TCF7L2: variants seen among roughly 807,000 people sequenced by gnomAD.
TCF7L2 encodes transcription factor 7 like 2.
A neutral mutation model predicts 77.9 loss-of-function variants in TCF7L2; 23 were observed. The ratio of observed to expected loss-of-function variants is 0.30; its 90% CI spans 0.21 to 0.42. The LOEUF (loss-of-function observed/expected upper bound fraction) is 0.42. TCF7L2 is among the 10% of genes least tolerant of loss of function. The probability of loss-of-function intolerance (pLI) is 1.00; values close to 1 mark genes in which losing one functional copy is unlikely to be tolerated. For missense variants in TCF7L2, 654 were observed against 793.1 expected (o/e 0.82, Z 2.11); for synonymous variants, 413 against 340.2 (o/e 1.21, Z -2.36).
chr10:113,032,334 A>G (rs1051838013), intron 4 of TCF7L2, among the ~76,000 whole-genome samples: 1 of 152,242 alleles, frequency 6.6e-6, no homozygotes, highest in Non-Finnish European at 1.5e-5. Flanking sequence ...TTGGCGGGTT[A>G]AAGAAAACAG....
chr10:112,966,341 T>C (rs1002976373), intron 4 of TCF7L2, among the ~76,000 whole-genome samples: 24 of 151,740 alleles, frequency 1.6e-4, no homozygotes, highest in Non-Finnish European at 3.2e-4. Context: ...GTCTTTAACT[T>C]GAGGCTGCAA....
At chr10:112,951,171 G>T in intron 1 of TCF7L2, 36 bp from the exon 2 acceptor site, 1 of 1,528,158 alleles carries the variant, frequency 6.5e-7, no homozygotes. Context: ...CGTGGCGTTT[G>T]CCCCTCGCCC....
intron 3 of TCF7L2, among the ~76,000 whole-genome samples, chr10:112,955,957 G>A (rs2033455325): frequency 6.6e-6 from 1 of 151,842 alleles, no homozygotes; most frequent in African/African-American, 2.4e-5. Context: ...CCCACGAGGT[G>A]CCCCTGGCTG....
At chr10:113,054,690 C>T (rs991392313) in intron 5 of TCF7L2, among the ~76,000 whole-genome samples, 2 of 152,174 alleles carry the variant, frequency 1.3e-5, no homozygotes, top group African/African-American at 4.8e-5. Flanking sequence ...GATCTTCCCT[C>T]CCAGGCTGTT....
intron 4 of TCF7L2, among the ~76,000 whole-genome samples, chr10:112,983,708 A>G (rs2040942217): frequency 6.6e-6 from 1 of 152,046 alleles, no homozygotes; most frequent in African/African-American, 2.4e-5. Flanking sequence ...GGGACAGGAG[A>G]CCTTTGGAAA....
chr10:113,129,424 A>G, intron 5 of TCF7L2: 1 of 1,007,984 alleles, frequency 9.9e-7, no homozygotes. Flanking sequence ...TGGCTGGGGA[A>G]CATGGACCTT....
chr10:113,083,378 A>G (rs1230296737), intron 5 of TCF7L2, among the ~76,000 whole-genome samples: 1 of 152,040 alleles, frequency 6.6e-6, no homozygotes, highest in East Asian at 1.9e-4. Context: ...TAATAATGAG[A>G]AAAAAGGATT....
At chr10:112,968,542 G>T (rs2037513011) in intron 4 of TCF7L2, among the ~76,000 whole-genome samples, 1 of 152,084 alleles carries the variant, frequency 6.6e-6, no homozygotes, top group Non-Finnish European at 1.5e-5. Flanking sequence ...TAGGCTATTA[G>T]TTAAGTTTTT....
At chr10:113,134,089 C>T (rs139494207) in intron 5 of TCF7L2, among the ~76,000 whole-genome samples, 24 of 152,360 alleles carry the variant, frequency 1.6e-4, no homozygotes, top group Admixed American at 1.4e-3. Flanking sequence ...AGTGCTGTAG[C>T]TATCGATAGA....
At chr10:113,037,571 A>T (rs918923167) in intron 4 of TCF7L2, among the ~76,000 whole-genome samples, 1 of 152,310 alleles carries the variant, frequency 6.6e-6, no homozygotes, top group Admixed American at 6.5e-5. Context: ...TGGAGATTGG[A>T]TGTGGCACAC....
chr10:113,025,247 G>T (rs1271745056), intron 4 of TCF7L2, among the ~76,000 whole-genome samples: 1 of 144,408 alleles, frequency 6.9e-6, no homozygotes, highest in Non-Finnish European at 1.5e-5. Flanking sequence ...TTTTTGAGAC[G>T]GAGTCTGGAA....
intron 5 of TCF7L2, among the ~76,000 whole-genome samples, chr10:113,083,866 T>G (rs1227657537): frequency 6.6e-6 from 1 of 152,212 alleles, no homozygotes. Context: ...AATTCTTCCA[T>G]TTATGCATAG....
chr10:113,019,377 C>A (rs571606768), intron 4 of TCF7L2, among the ~76,000 whole-genome samples: 6 of 152,154 alleles, frequency 3.9e-5, no homozygotes, highest in African/African-American at 1.4e-4. Context: ...TAGAAAGACT[C>A]ACTAATGGTT....
At chr10:112,956,449 A>T (rs1325309068) in intron 3 of TCF7L2, among the ~76,000 whole-genome samples, 1 of 150,968 alleles carries the variant, frequency 6.6e-6, no homozygotes, top group East Asian at 2.0e-4. Context: ...GGCATTAGAT[A>T]ATATCTTTGA....
intron 4 of TCF7L2, among the ~76,000 whole-genome samples, chr10:113,038,362 G>A (rs1179553777): frequency 6.6e-6 from 1 of 152,154 alleles, no homozygotes; most frequent in Admixed American, 6.5e-5. Flanking sequence ...AGGCCTCTAG[G>A]TGAAAGCTCT....
At chr10:113,041,512 G>C (rs2052436691) in intron 5 of TCF7L2, among the ~76,000 whole-genome samples, 1 of 152,188 alleles carries the variant, frequency 6.6e-6, no homozygotes, top group African/African-American at 2.4e-5. Context: ...CCAGTTCTCT[G>C]CTCCCTTTCC....
intron 4 of TCF7L2, among the ~76,000 whole-genome samples, chr10:113,028,554 A>G (rs1307268974): frequency 6.6e-6 from 1 of 152,202 alleles, no homozygotes; most frequent in African/African-American, 2.4e-5. Flanking sequence ...GGGAAAAAAA[A>G]CAAAAGGAAA....
At chr10:113,161,542 G>T in intron 13 of TCF7L2, 1 of 1,535,608 alleles carries the variant, frequency 6.5e-7, no homozygotes, top group South Asian at 1.2e-5. Context: ...GACCACCTTT[G>T]GTTAAATGTG....
In TCF7L2 at chr10:113,126,785, GCCC is replaced by G. The variant is rs2065692937; in HGVS notation, c.553-14398_553-14396del. 8.4e-5 allele frequency: 83 copies of G among 985,438 alleles called. No homozygotes were observed. In the South Asian group the frequency reaches 3.4e-3, roughly 41 times the overall value. The allele number at this position is 985,438 out of a possible 1,614,324, so 61.0% of individuals were successfully genotyped here. ...AGGGCGGGTGCTGCCCTCCAGTGGA[GCCC>G]GCGGCCGGCGCGGGCCCTGGGCAGC... On this transcript the variant is annotated intron_variant, in intron 5 of 13. Coordinates refer to ENST00000627217, the MANE Select transcript of TCF7L2 (RefSeq NM_001146274.2).
Sources: allele counts gnomAD v4.1 joint callset (sites outside exome capture counted in the v4.1 genomes callset), GRCh38; gene constraint gnomAD v4.1.1; transcripts MANE v1.5; gene names NCBI Gene and HGNC (gene_info 2026-07-23, HGNC 2026-07-21).